NETO1: variants seen among roughly 807,000 people sequenced by gnomAD.
The protein encoded by NETO1 is neuropilin and tolloid like 1.
In NETO1, 26 loss-of-function variants were observed where a neutral mutation model predicts 61.3. That is an observed-to-expected ratio of 0.42 (90% CI 0.31 to 0.59). The LOEUF is 0.59. Among genes scored for constraint, NETO1 ranks in the 20% least tolerant of loss-of-function variants. The pLI, the probability that NETO1 is intolerant of heterozygous loss-of-function variation, is 0.12. For synonymous variants in NETO1, 225 were observed against 225.8 expected (o/e 1.00, Z 0.03); for missense variants, 531 against 662.8 (o/e 0.80, Z 2.18).
At chr18:72,855,173 G>T (rs968206626) in intron 4 of NETO1, among the ~76,000 whole-genome samples, 21 of 152,008 alleles carry the variant, frequency 1.4e-4, no homozygotes, top group African/African-American at 4.8e-4. Context: ...TTCTTTTTCT[G>T]AACTGGGATA....
intron 4 of NETO1, among the ~76,000 whole-genome samples, chr18:72,807,007 T>C (rs2072695409): frequency 1.3e-5 from 2 of 152,186 alleles, no homozygotes; most frequent in Admixed American, 1.3e-4. Flanking sequence ...TTGAACAAAC[T>C]TTAAGTGCCA....
intron 7 of NETO1, among the ~76,000 whole-genome samples, chr18:72,775,420 G>A (rs986668341): frequency 6.6e-6 from 1 of 151,972 alleles, no homozygotes; most frequent in African/African-American, 2.4e-5. Flanking sequence ...AAATATGATG[G>A]CTAAAAATGC....
At chr18:72,834,999 T>G (rs1392532270) in intron 4 of NETO1, 2 of 904,584 alleles carry the variant, frequency 2.2e-6, no homozygotes, top group African/African-American at 1.8e-5. Context: ...TAATATTATA[T>G]TAAAAGATTA....
chr18:72,753,113 C>G (rs570196133), intron 8 of NETO1, among the ~76,000 whole-genome samples: 3 of 151,974 alleles, frequency 2.0e-5, no homozygotes, highest in African/African-American at 7.2e-5. Context: ...CAACAAAAAA[C>G]TAGAGGAGCT....
chr18:72,747,264 A>T lies in NETO1; in HGVS notation c.*915T>A, dbSNP rs1428791030. 1.3e-5 allele frequency: 2 copies of T among 151,940 alleles called. No individual in the cohort carries two copies. Among genetic ancestry groups the T allele is most frequent in the Non-Finnish European group, 2.9e-5 (2 of 67,928 alleles). 9.4% of individuals were successfully genotyped at this position (151,940 alleles called of 1,614,324 possible). On this transcript the variant is annotated 3_prime_UTR_variant, in exon 11 of 11. Transcript: ENST00000327305. ...ACATTTTATATATATTTATATAAAAAGTCGTAAGTAGCAAGCATATGACAT... is the reference window on the plus strand; with the variant it reads ...ACATTTTATATATATTTATATAAAATGTCGTAAGTAGCAAGCATATGACAT...
At chr18:72,826,440 TTTCTC>T (rs1390817964) in intron 4 of NETO1, among the ~76,000 whole-genome samples, 6 of 152,210 alleles carry the variant, frequency 3.9e-5, no homozygotes, top group Non-Finnish European at 5.9e-5. Flanking sequence ...GTGTAATTCT[TTTCTC>T]GTGTTTTTTT....
chr18:72,808,419 T>TTGTGTGTGTGTGTG lies in NETO1; in HGVS notation c.470-14029_470-14016dup, dbSNP rs368047239. On this transcript the variant is annotated intron_variant, in intron 4 of 10. Transcript: ENST00000327305. ...TGGAAGCAGTGGTGGCACTGCAGAT[T>TTGTGTGTGTGTGTG]TGTGTGTGTGTGTGTGTGTGTGTGT... 4.3e-3 allele frequency among the ~76,000 whole-genome samples: 616 copies of TTGTGTGTGTGTGTG among 141,908 alleles called. 4 individuals carry two copies. Among genetic ancestry groups the TTGTGTGTGTGTGTG allele is most frequent in the African/African-American group, 0.011 (433 of 38,638 alleles). The allele number at this position is 141,908 out of a possible 152,430, so 93.1% of individuals were successfully genotyped here. A position where few individuals can be genotyped will look rare whatever the true frequency, so the allele number is the denominator to read the frequency against.
chr18:72,831,158 C>T (rs914242261), intron 4 of NETO1, among the ~76,000 whole-genome samples: 8 of 152,174 alleles, frequency 5.3e-5, no homozygotes, highest in African/African-American at 1.2e-4. Context: ...GGTCTGTCTT[C>T]GTCCTTCTCG....
At chr18:72,783,573 T>G in intron 7 of NETO1, 105 bp downstream of exon 7, 1 of 876,228 alleles carries the variant, frequency 1.1e-6, no homozygotes, top group East Asian at 2.5e-5. Flanking sequence ...TATTAGAGAA[T>G]AGCCTGCTGT....
At chr18:72,770,428 G>C (rs1432923590) in intron 7 of NETO1, among the ~76,000 whole-genome samples, 2 of 151,892 alleles carry the variant, frequency 1.3e-5, no homozygotes, top group Non-Finnish European at 2.9e-5. Flanking sequence ...CTTATCAATA[G>C]TGTGCTTTAT....
intron 4 of NETO1, among the ~76,000 whole-genome samples, chr18:72,838,098 G>C (rs1237356638): frequency 3.3e-5 from 5 of 151,972 alleles, no homozygotes; most frequent in South Asian, 4.1e-4. Flanking sequence ...ATCTCTATGA[G>C]AGACCTACAG....
chr18:72,837,903 T>C (rs984429386), intron 4 of NETO1, among the ~76,000 whole-genome samples: 1 of 151,948 alleles, frequency 6.6e-6, no homozygotes, highest in African/African-American at 2.4e-5. Flanking sequence ...CCATCCTCTA[T>C]GACAGGTATC....
Position 72,776,973 on chromosome 18 carries a change from C to T in NETO1, c.868+6705G>A, listed in dbSNP as rs138179574. On this transcript the variant is annotated intron_variant, in intron 7 of 10. Coordinates refer to ENST00000327305, the MANE Select transcript of NETO1 (RefSeq NM_138966.5). ...GCTCCTTATACATTCTGAGGCAAAT[C>T]GTTCTTACGCTGTAAATCTGTGAAT... Among the ~76,000 whole-genome samples, 25 of 152,294 alleles carry T rather than the reference C, an allele frequency of 1.6e-4. No homozygotes were observed. In the East Asian group the frequency reaches 2.3e-3, roughly 14 times the overall value.
intron 6 of NETO1, among the ~76,000 whole-genome samples, chr18:72,788,148 C>T (rs1052663037): frequency 1.3e-5 from 2 of 152,080 alleles, no homozygotes; most frequent in African/African-American, 4.8e-5. Context: ...TGCATTTGTA[C>T]ATGAAGTGCA....
chr18:72,772,826 T>TCTCTC (rs2071418317), intron 7 of NETO1, among the ~76,000 whole-genome samples: 1 of 5,746 alleles, frequency 1.7e-4, no homozygotes, highest in South Asian at 7.5e-3. Context: ...TCTCTCTCTC[T>TCTCTC]ATATATATAT....
chr18:72,800,479 C>T (rs1206485324), intron 4 of NETO1, among the ~76,000 whole-genome samples: 1 of 152,136 alleles, frequency 6.6e-6, no homozygotes, highest in Non-Finnish European at 1.5e-5. Context: ...GCCACTATCT[C>T]CCATAACCCC....
Position 72,794,170 on chromosome 18 carries a change from C to A in NETO1, c.586G>T (p.Ala196Ser). The change falls in exon 6 of 11, where the codon GCT becomes TCT. Residue 196 changes from alanine (A) to serine (S), a missense_variant. Coordinates refer to ENST00000327305, the MANE Select transcript of NETO1 (RefSeq NM_138966.5). ...IQIMKEGKAT[A>S]SEAVDCKWYI... is the part of the protein sequence containing the mutation. ...CACTTGCAATCAACAGCCTCGCTAG[C>A]AGTAGCTTTGCCTTCCTTCATAATT... 3 of 1,614,188 alleles carry A rather than the reference C, an allele frequency of 1.9e-6. No individual in the cohort carries two copies. The highest frequency in any genetic ancestry group is 1.1e-5 in the South Asian group (1 of 91,084).
At chr18:72,855,197 G>A (rs977641434) in intron 4 of NETO1, among the ~76,000 whole-genome samples, 5 of 152,134 alleles carry the variant, frequency 3.3e-5, no homozygotes, top group Non-Finnish European at 4.4e-5. Flanking sequence ...TATTGCAGAG[G>A]AGAGGCTCAG....
rs987017103 is a variant in NETO1, at chr18:72,834,707, C to T, written c.469+24119G>A. ...CTCTCGGAATGGGCGAATAATAATA[C>T]GCTCTCTTCAGCTTTTACTGTTTGA... On this transcript the variant is annotated intron_variant, in intron 4 of 10. Coordinates refer to ENST00000327305, the MANE Select transcript of NETO1 (RefSeq NM_138966.5). 20 of 984,902 alleles carry T rather than the reference C, an allele frequency of 2.0e-5. No individual in the cohort carries two copies. In the African/African-American group the frequency reaches 2.3e-4, roughly 11 times the overall value. 61.0% of individuals were successfully genotyped at this position (984,902 alleles called of 1,614,324 possible).
Sources: gnomAD v4.1 joint callset for allele counts (sites outside exome capture counted in the v4.1 genomes callset) on GRCh38, gnomAD v4.1.1 for gene constraint, MANE v1.5 for transcripts, NCBI Gene and HGNC (gene_info 2026-07-23, HGNC 2026-07-21) for gene names.